C19orf12: variants seen among roughly 807,000 people sequenced by gnomAD.
C19orf12 encodes the protein protein C19orf12.
A neutral mutation model predicts 3.8 loss-of-function variants in C19orf12; 2 were observed. That is an observed-to-expected ratio of 0.53 (90% CI 0.22 to 1.66). C19orf12 has a LOEUF of 1.66. C19orf12 is among the 40% of genes most tolerant of loss of function. C19orf12 has a pLI of 0.20. For synonymous variants in C19orf12, 89 were observed against 84.6 expected (o/e 1.05, Z -0.28); for missense variants, 156 against 188.8 (o/e 0.83, Z 1.02).
chr19:29,705,007 C>T (rs1181333246), intron 2 of C19orf12, among the ~76,000 whole-genome samples: 2 of 152,166 alleles, frequency 1.3e-5, no homozygotes, highest in Non-Finnish European at 2.9e-5. Flanking sequence ...ATGAAGCCCA[C>T]TAGACTTAGT....
chr19:29,701,841 A>G lies in C19orf12; in HGVS notation c.*871T>C, dbSNP rs928191611. The G allele has an allele frequency of 1.1e-5, 5 of 453,978 alleles. No individual in the cohort carries two copies. The highest frequency in any genetic ancestry group is 1.0e-4 in the African/African-American group (5 of 50,018). The allele number at this position is 453,978 out of a possible 1,614,324, so 28.1% of individuals were successfully genotyped here. A position where few individuals can be genotyped will look rare whatever the true frequency, so the allele number is the denominator to read the frequency against. On this transcript the variant is annotated 3_prime_UTR_variant, in exon 3 of 3. Coordinates refer to ENST00000323670, the MANE Select transcript of C19orf12 (RefSeq NM_031448.6). ...AAATTAAGGTTTGTACATTTGTTAG[A>G]CATAATGCTATTGCACATTTAGTGG...
chr19:29,713,436 G>T (rs1011120930), intron 1 of C19orf12, among the ~76,000 whole-genome samples: 4 of 152,038 alleles, frequency 2.6e-5, no homozygotes, highest in Admixed American at 6.6e-5. Flanking sequence ...CCATCTCACC[G>T]AGAGCGGCCT....
At chr19:29,713,232 C>T (rs1223173661) in intron 1 of C19orf12, among the ~76,000 whole-genome samples, 1 of 150,956 alleles carries the variant, frequency 6.6e-6, no homozygotes, top group South Asian at 2.1e-4. Flanking sequence ...GGGGACAGAC[C>T]TTAGGGGGTG....
In C19orf12 at chr19:29,701,929, C is replaced by T. The variant is rs191277465; in HGVS notation, c.*783G>A. On this transcript the variant is annotated 3_prime_UTR_variant, in exon 3 of 3. Transcript: ENST00000323670. ...GAAACTAAAACAATGCGCTTCCTTG[C>T]TTTATTGTGATGTTGGCTTTACCGA... 1 of 454,156 alleles carries T rather than the reference C, an allele frequency of 2.2e-6. No homozygotes were observed. Among genetic ancestry groups the T allele is most frequent in the Non-Finnish European group, 4.4e-6 (1 of 226,804 alleles). The allele number at this position is 454,156 out of a possible 1,614,324, so 28.1% of individuals were successfully genotyped here. A position where few individuals can be genotyped will look rare whatever the true frequency, so the allele number is the denominator to read the frequency against.
chr19:29,705,766 C>T (rs1972349376), intron 2 of C19orf12, among the ~76,000 whole-genome samples: 1 of 152,090 alleles, frequency 6.6e-6, no homozygotes, highest in Admixed American at 6.5e-5. Flanking sequence ...ATCTTTCAGC[C>T]TCAAGCCTCC....
rs750773119 is a variant in C19orf12, at chr19:29,700,883, G to T, written c.*1829C>A. 1 of 453,954 alleles carries T rather than the reference G, an allele frequency of 2.2e-6. No individual in the cohort carries two copies. Among genetic ancestry groups the T allele is most frequent in the South Asian group, 1.6e-5 (1 of 64,470 alleles). The allele number at this position is 453,954 out of a possible 1,614,324, so 28.1% of individuals were successfully genotyped here. ...CGAGCCTCCAGGGCCTGAGAGGAGA[G>T]CCCCAAGTCCCTGCCCTGCCCCAGG... On this transcript the variant is annotated 3_prime_UTR_variant, in exon 3 of 3. Coordinates refer to ENST00000323670, the MANE Select transcript of C19orf12 (RefSeq NM_031448.6).
At chr19:29,704,166 T>G (rs1316165301) in intron 2 of C19orf12, among the ~76,000 whole-genome samples, 1 of 152,166 alleles carries the variant, frequency 6.6e-6, no homozygotes, top group Non-Finnish European at 1.5e-5. Flanking sequence ...CTCCAAGTTG[T>G]ATGATCGATA....
chr19:29,715,324 C>A (rs1199446431), upstream of C19orf12: 1 of 391,156 alleles, frequency 2.6e-6, no homozygotes, highest in Non-Finnish European at 5.1e-6. Context: ...CGCGCCGGGC[C>A]AGCTCCTGGC....
At chr19:29,706,215 T>C (rs957734691) in intron 2 of C19orf12, among the ~76,000 whole-genome samples, 1 of 152,256 alleles carries the variant, frequency 6.6e-6, no homozygotes, top group Admixed American at 6.5e-5. Context: ...TTTACTGAAC[T>C]TTTCCCCATG....
In C19orf12 at chr19:29,699,141, G is replaced by A. The variant is rs74868577; in HGVS notation, c.*3571C>T. The A allele has an allele frequency of 4.4e-3, 1,996 of 453,778 alleles. 44 individuals are homozygous for A. Among genetic ancestry groups the A allele is most frequent in the African/African-American group, 0.035 (1,774 of 50,000 alleles). 28.1% of individuals were successfully genotyped at this position (453,778 alleles called of 1,614,324 possible). A position where few individuals can be genotyped will look rare whatever the true frequency, so the allele number is the denominator to read the frequency against. On this transcript the variant is annotated 3_prime_UTR_variant, in exon 3 of 3. Transcript: ENST00000323670. The stretch of plus-strand genomic sequence containing the variant: ...TTCATTGATACAGGTGTTCAAAGGG[G>A]CATATAGGATAAGAAGGCAAGTACG...
In C19orf12 at chr19:29,715,251, G is replaced by A; in HGVS notation, c.-137C>T. On this transcript the variant is annotated 5_prime_UTR_variant, in exon 1 of 3. Coordinates refer to ENST00000323670, the MANE Select transcript of C19orf12 (RefSeq NM_031448.6). ...GAGGGTCGCGCAGGCCTTGGTGGCG[G>A]CCCCGGCGCTGGCCCCGCCCTCCGT... is the stretch of plus-strand genomic sequence containing the variant. 2.6e-6 allele frequency: 1 copy of A among 387,330 alleles called. No homozygotes were observed. Among genetic ancestry groups the A allele is most frequent in the South Asian group, 2.2e-5 (1 of 46,206 alleles). The allele number at this position is 387,330 out of a possible 1,614,324, so 24.0% of individuals were successfully genotyped here.
At position 29,700,318 on chromosome 19, in the gene C19orf12, C is replaced by A. The variant is rs1253015477; in HGVS notation, c.*2394G>T. The A allele has an allele frequency of 9.7e-5, 44 of 454,028 alleles. No individual in the cohort carries two copies. In the Admixed American group the frequency reaches 9.9e-4, roughly 10 times the overall value. The allele number at this position is 454,028 out of a possible 1,614,324, so 28.1% of individuals were successfully genotyped here. On this transcript the variant is annotated 3_prime_UTR_variant, in exon 3 of 3. Transcript: ENST00000323670. ...ACCGGAGAAGTTGGCATTTGTTCAACATGGAAAAAGTGTCCCCCAACTTTG... is the reference window on the plus strand; with the variant it reads ...ACCGGAGAAGTTGGCATTTGTTCAAAATGGAAAAAGTGTCCCCCAACTTTG...
At position 29,699,786 on chromosome 19, in the gene C19orf12, G is replaced by C. The variant is rs981059997; in HGVS notation, c.*2926C>G. On this transcript the variant is annotated 3_prime_UTR_variant, in exon 3 of 3. Transcript: ENST00000323670. ...CTTCCCTTGCAGCTTGCGCCCTCCCGTACCTTTTAAATTTTGTACCAGGCA... is the reference window on the plus strand; with the variant it reads ...CTTCCCTTGCAGCTTGCGCCCTCCCCTACCTTTTAAATTTTGTACCAGGCA... 4.4e-6 allele frequency: 2 copies of C among 451,824 alleles called. No homozygotes were observed. The highest frequency in any genetic ancestry group is 8.8e-6 in the Non-Finnish European group (2 of 226,360). 28.0% of individuals were successfully genotyped at this position (451,824 alleles called of 1,614,324 possible).
rs777808776 is a variant in C19orf12, at chr19:29,699,093, T to G, written c.*3619A>C. 1.1e-5 allele frequency: 5 copies of G among 453,844 alleles called. No individual in the cohort carries two copies. Among genetic ancestry groups the G allele is most frequent in the South Asian group, 7.8e-5 (5 of 64,458 alleles). 28.1% of individuals were successfully genotyped at this position (453,844 alleles called of 1,614,324 possible). On this transcript the variant is annotated 3_prime_UTR_variant, in exon 3 of 3. Coordinates refer to ENST00000323670, the MANE Select transcript of C19orf12 (RefSeq NM_031448.6). ...CAAATATTTACAAGGAATTTTAAATTACATCAAAAATATTATTTAACATTC... is the reference window on the plus strand; with the variant it reads ...CAAATATTTACAAGGAATTTTAAATGACATCAAAAATATTATTTAACATTC...
Position 29,702,944 on chromosome 19 carries a change from A to T in C19orf12, c.194T>A (p.Met65Lys). The T allele has an allele frequency of 1.2e-6, 2 of 1,614,164 alleles. No homozygotes were observed. Among genetic ancestry groups the T allele is most frequent in the Non-Finnish European group, 8.5e-7 (1 of 1,180,016 alleles). ...AACCGGCTTAAACTGTCCACTTGTC[A>T]TCCAGGCACCTAACAGCCCCCCGAC... ...GAVGGLLGAW[M>K]TSGQFKPVPQ... is the part of the protein sequence containing the mutation. Residue 65 changes from methionine to lysine, a missense_variant, in exon 3 of 3, where the codon ATG (methionine) becomes AAG (lysine). Coordinates refer to ENST00000323670, the MANE Select transcript of C19orf12 (RefSeq NM_031448.6).
At position 29,700,195 on chromosome 19, in the gene C19orf12, AG is replaced by A. The variant is rs1972005439; in HGVS notation, c.*2516del. The A allele has an allele frequency of 2.2e-6, 1 of 454,036 alleles. No homozygotes were observed. Among genetic ancestry groups the A allele is most frequent in the African/African-American group, 2.0e-5 (1 of 50,020 alleles). The allele number at this position is 454,036 out of a possible 1,614,324, so 28.1% of individuals were successfully genotyped here. On this transcript the variant is annotated 3_prime_UTR_variant, in exon 3 of 3. Transcript: ENST00000323670. ...GTGTCCCCTGGGCCTGACACAGACC[AG>A]GACCTGATGCACGAGTAAGAATGAA...
chr19:29,704,792 T>C (rs1000254435), intron 2 of C19orf12, among the ~76,000 whole-genome samples: 3 of 152,138 alleles, frequency 2.0e-5, no homozygotes, highest in Non-Finnish European at 4.4e-5. Flanking sequence ...AGGCTCTGAC[T>C]TCATCCCAGT....
Position 29,702,273 on chromosome 19 carries a change from A to T in C19orf12, c.*439T>A, listed in dbSNP as rs1568325598. On this transcript the variant is annotated 3_prime_UTR_variant, in exon 3 of 3. Coordinates refer to ENST00000323670, the MANE Select transcript of C19orf12 (RefSeq NM_031448.6). ...AAGGCCCTGAGACCCCAGGACCTGC[A>T]GGGGGGTGGGATCCAGTCCTGCAGC... The T allele has an allele frequency of 2.2e-6, 1 of 457,180 alleles. No homozygotes were observed. The allele number at this position is 457,180 out of a possible 1,614,324, so 28.3% of individuals were successfully genotyped here.
chr19:29,702,162 C>G lies in C19orf12; in HGVS notation c.*550G>C, dbSNP rs1319364719. 2.2e-6 allele frequency: 1 copy of G among 453,808 alleles called. No individual in the cohort carries two copies. Among genetic ancestry groups the G allele is most frequent in the African/African-American group, 2.0e-5 (1 of 50,024 alleles). 28.1% of individuals were successfully genotyped at this position (453,808 alleles called of 1,614,324 possible). On this transcript the variant is annotated 3_prime_UTR_variant, in exon 3 of 3. Transcript: ENST00000323670. ...TTGTGGCTTCACTCAGCAGGCCGCC[C>G]GTCCCCTCCGTGGGGCCATTCGACA...
Sources: gnomAD v4.1 joint callset for allele counts (sites outside exome capture counted in the v4.1 genomes callset) on GRCh38, gnomAD v4.1.1 for gene constraint, MANE v1.5 for transcripts, NCBI Gene and HGNC (gene_info 2026-07-23, HGNC 2026-07-21) for gene names.